The following DAB1 variants were observed in gnomAD, a reference collection of about 807,000 sequenced individuals.
The protein encoded by DAB1 is disabled homolog 1.
DAB1 carries 15 observed loss-of-function variants against 64.6 expected under a neutral mutation model. The ratio of observed to expected loss-of-function variants is 0.23; its 90% CI spans 0.16 to 0.36. The LOEUF (loss-of-function observed/expected upper bound fraction) is 0.36, where lower values mean the gene tolerates loss of function less well. Ranked by LOEUF, DAB1 falls within the 10% of genes least tolerant of loss-of-function variation. DAB1 has a pLI of 1.00. For synonymous variants in DAB1, 235 were observed against 251.9 expected, an observed-to-expected ratio of 0.93 and a Z score of 0.64; for missense variants, 596 against 706.7, an observed-to-expected ratio of 0.84 and a Z score of 1.78.
chr1:57,563,509 G>A (rs1166969272), intron 7 of DAB1, among the ~76,000 whole-genome samples: 3 of 152,166 alleles, frequency 2.0e-5, no homozygotes, highest in Non-Finnish European at 2.9e-5. Context: ...CACCCAGGAA[G>A]TGAAAGGGGT....
At chr1:58,300,686 A>T (rs1662148435) in intron 4 of DAB1, among the ~76,000 whole-genome samples, 1 of 146,092 alleles carries the variant, frequency 6.8e-6, no homozygotes, top group Non-Finnish European at 1.5e-5. Flanking sequence ...GGAAGGAAGG[A>T]AGGAAGGAAG....
intron 2 of DAB1, among the ~76,000 whole-genome samples, chr1:57,258,510 T>C (rs778792084): frequency 1.3e-5 from 2 of 152,176 alleles, no homozygotes; most frequent in Non-Finnish European, 2.9e-5. Flanking sequence ...TTATCGGAGC[T>C]GTGCTGTTTG....
chr1:57,310,398 T>C (rs976231351), intron 1 of DAB1, among the ~76,000 whole-genome samples: 2 of 151,874 alleles, frequency 1.3e-5, no homozygotes, highest in Admixed American at 1.3e-4. Context: ...CAAAGAACAG[T>C]GGAGATACTA....
At chr1:57,133,343 G>A (rs780349064) in intron 4 of DAB1, among the ~76,000 whole-genome samples, 11 of 152,078 alleles carry the variant, frequency 7.2e-5, no homozygotes, top group Non-Finnish European at 1.6e-4. Context: ...GAGTCAGTGA[G>A]GTTCACTAGA....
chr1:57,138,556 A>C (rs1658324869), intron 3 of DAB1, among the ~76,000 whole-genome samples: 1 of 152,186 alleles, frequency 6.6e-6, no homozygotes. Flanking sequence ...CTCTTAACTC[A>C]CATACAAAGC....
At chr1:58,211,425 CTGA>C (rs1658545524) in intron 4 of DAB1, among the ~76,000 whole-genome samples, 2 of 152,116 alleles carry the variant, frequency 1.3e-5, no homozygotes, top group African/African-American at 4.8e-5. Context: ...ATAACTTTTT[CTGA>C]TGATCACACT....
At chr1:58,296,444 C>A (rs981590781) in intron 4 of DAB1, among the ~76,000 whole-genome samples, 1 of 152,076 alleles carries the variant, frequency 6.6e-6, no homozygotes, top group African/African-American at 2.4e-5. Context: ...TAGGCAGCTG[C>A]GGGTGGTTGG....
At position 57,245,795 on chromosome 1, in the gene DAB1, C is replaced by A. The variant is rs368268109; in HGVS notation, c.67+45169G>T. Reference sequence around the variant, plus strand: ...GATTTATAATCCTTTGGGTATATACCCAGTAATGGGATCGCTGGGTCAAAT... The same window carrying A: ...GATTTATAATCCTTTGGGTATATACACAGTAATGGGATCGCTGGGTCAAAT... On this transcript the variant is annotated intron_variant, in intron 2 of 14. Transcript: ENST00000371236. Among the ~76,000 whole-genome samples, 97 of 152,134 alleles carry A rather than the reference C, an allele frequency of 6.4e-4. 1 individual carries two copies. The South Asian group carries it at 0.018, about 28-fold the overall frequency.
chr1:58,281,418 C>A (rs1661560082), intron 4 of DAB1, among the ~76,000 whole-genome samples: 1 of 152,032 alleles, frequency 6.6e-6, no homozygotes, highest in Non-Finnish European at 1.5e-5. Context: ...TCCTTAATAC[C>A]TCCGATCCAC....
At chr1:57,854,269 G>C (rs932333423) in intron 1 of DAB1, among the ~76,000 whole-genome samples, 2 of 151,964 alleles carry the variant, frequency 1.3e-5, no homozygotes, top group African/African-American at 4.8e-5. Context: ...CTACAGCCTT[G>C]CTAAAACAGA....
intron 3 of DAB1, among the ~76,000 whole-genome samples, chr1:58,502,024 C>G (rs1645915256): frequency 6.6e-6 from 1 of 151,976 alleles, no homozygotes; most frequent in African/African-American, 2.4e-5. Flanking sequence ...ATTTATTTCA[C>G]ATCACCTACA....
At chr1:57,162,054 T>G (rs938266157) in intron 2 of DAB1, among the ~76,000 whole-genome samples, 8 of 152,160 alleles carry the variant, frequency 5.3e-5, no homozygotes, top group African/African-American at 1.9e-4. Context: ...GAAAACAGAA[T>G]AAAGAAAACA....
At chr1:57,298,505 G>C (rs1489001532) in intron 1 of DAB1, among the ~76,000 whole-genome samples, 4 of 152,106 alleles carry the variant, frequency 2.6e-5, no homozygotes, top group Non-Finnish European at 5.9e-5. Context: ...CCTTGGTATG[G>C]ATCCAATCAA....
chr1:57,777,335 T>A (rs1649858979), intron 6 of DAB1, among the ~76,000 whole-genome samples: 1 of 151,704 alleles, frequency 6.6e-6, no homozygotes, highest in South Asian at 2.1e-4. Flanking sequence ...ATTTCTTTAA[T>A]CTTTGAGTTT....
At chr1:58,487,113 G>C (rs1195969816) in intron 3 of DAB1, among the ~76,000 whole-genome samples, 1 of 152,210 alleles carries the variant, frequency 6.6e-6, no homozygotes, top group Non-Finnish European at 1.5e-5. Flanking sequence ...GGTGAAAAGT[G>C]ACAACAGGAA....
At chr1:58,105,207 T>G (rs1651561259) in intron 5 of DAB1, among the ~76,000 whole-genome samples, 1 of 152,248 alleles carries the variant, frequency 6.6e-6, no homozygotes, top group African/African-American at 2.4e-5. Flanking sequence ...TTCCTCGTTT[T>G]GGTGGTTAGC....
intron 9 of DAB1, among the ~76,000 whole-genome samples, chr1:57,054,772 C>A (rs1313543603): frequency 6.6e-6 from 1 of 152,260 alleles, no homozygotes; most frequent in South Asian, 2.1e-4. Flanking sequence ...GCCACGGCAC[C>A]CGGCCAGGAA....
At chr1:58,390,677 C>T (rs1247398398) in intron 3 of DAB1, among the ~76,000 whole-genome samples, 1 of 152,192 alleles carries the variant, frequency 6.6e-6, no homozygotes, top group Admixed American at 6.5e-5. Flanking sequence ...TTATAGGTAA[C>T]ACTGAGTGCT....
intron 2 of DAB1, among the ~76,000 whole-genome samples, chr1:57,225,650 C>T (rs1327871900): frequency 6.6e-6 from 1 of 152,082 alleles, no homozygotes; most frequent in Non-Finnish European, 1.5e-5. Flanking sequence ...GGGTATGATA[C>T]AAGATTGCAA....
Sources: allele counts gnomAD v4.1 joint callset (sites outside exome capture counted in the v4.1 genomes callset), GRCh38; gene constraint gnomAD v4.1.1; transcripts MANE v1.5; gene names NCBI Gene and HGNC (gene_info 2026-07-23, HGNC 2026-07-21).